PARD3: variants seen among roughly 807,000 people sequenced by gnomAD.
PARD3 encodes the protein partitioning defective 3 homolog.
A neutral mutation model predicts 155.4 loss-of-function variants in PARD3; 75 were observed. The ratio of observed to expected loss-of-function variants is 0.48; its 90% CI spans 0.40 to 0.58. PARD3 has a LOEUF of 0.58. Ranked by LOEUF, PARD3 falls within the 20% of genes least tolerant of loss-of-function variation. The pLI, the probability that PARD3 is intolerant of heterozygous loss-of-function variation, is 0.00. For missense variants in PARD3, 1,642 were observed against 1,721.7 expected (o/e 0.95, Z 0.82); for synonymous variants, 576 against 610.5 (o/e 0.94, Z 0.83).
At chr10:34,697,674 G>A (rs576394390) in intron 1 of PARD3, among the ~76,000 whole-genome samples, 7 of 151,942 alleles carry the variant, frequency 4.6e-5, no homozygotes, top group Non-Finnish European at 1.0e-4. Flanking sequence ...AAACCATTTT[G>A]CAAGTAACAG....
At chr10:34,669,960 T>G (rs1015000168) in intron 2 of PARD3, among the ~76,000 whole-genome samples, 2 of 152,226 alleles carry the variant, frequency 1.3e-5, no homozygotes, top group Non-Finnish European at 2.9e-5. Context: ...AAAAGATTTA[T>G]AGTGAAAAGG....
chr10:34,738,711 G>A (rs903495803), intron 1 of PARD3, among the ~76,000 whole-genome samples: 1 of 152,030 alleles, frequency 6.6e-6, no homozygotes, highest in Admixed American at 6.6e-5. Context: ...TCACGCCACC[G>A]CACTGCACTC....
intron 8 of PARD3, 92 bp downstream of exon 8, chr10:34,384,037 G>T (rs1342007484): frequency 7.8e-7 from 1 of 1,280,592 alleles, no homozygotes; most frequent in Non-Finnish European, 1.1e-6. Flanking sequence ...TATACAGACT[G>T]AGATCACAGA....
intron 21 of PARD3, among the ~76,000 whole-genome samples, chr10:34,271,410 C>A (rs890767454): frequency 5.3e-5 from 8 of 152,112 alleles, no homozygotes; most frequent in Admixed American, 5.2e-4. Flanking sequence ...ATTCAAAAAT[C>A]AATTACTACA....
intron 2 of PARD3, among the ~76,000 whole-genome samples, chr10:34,666,832 C>T (rs2093497179): frequency 8.2e-6 from 1 of 122,404 alleles, no homozygotes; most frequent in Non-Finnish European, 1.7e-5. Context: ...CACACACACA[C>T]ACACAAACAT....
At chr10:34,422,848 C>T (rs529522360) in intron 5 of PARD3, among the ~76,000 whole-genome samples, 2 of 152,084 alleles carry the variant, frequency 1.3e-5, no homozygotes, top group Admixed American at 6.6e-5. Flanking sequence ...TAAATTAGTA[C>T]GGCTATTATG....
At chr10:34,322,336 G>A (rs1018937735) in intron 19 of PARD3, among the ~76,000 whole-genome samples, 2 of 152,124 alleles carry the variant, frequency 1.3e-5, no homozygotes, top group Non-Finnish European at 2.9e-5. Flanking sequence ...AGCAGAAGGG[G>A]CAGAAAAATG....
chr10:34,616,930 C>CAAAA (rs1171920434), intron 2 of PARD3, among the ~76,000 whole-genome samples: 48 of 89,288 alleles, frequency 5.4e-4, no homozygotes, highest in African/African-American at 1.6e-3. Context: ...GCACCTGTCT[C>CAAAA]AAAAAAAAAA....
chr10:34,732,314 C>G lies in PARD3; in HGVS notation c.121-35895G>C, dbSNP rs4466776. Among the ~76,000 whole-genome samples, 7 of 152,148 alleles carry G rather than the reference C, an allele frequency of 4.6e-5. No individual in the cohort carries two copies. In the East Asian group the frequency reaches 1.3e-3, roughly 29 times the overall value. Reference sequence around the variant, plus strand: ...ATGGAGACACTCTAGGGTAGGAGGCCTGAAGTAAACTGCACTAATCCCTTT... The same window carrying G: ...ATGGAGACACTCTAGGGTAGGAGGCGTGAAGTAAACTGCACTAATCCCTTT... On this transcript the variant is annotated intron_variant, in intron 1 of 24. Coordinates refer to ENST00000374788, the MANE Select transcript of PARD3 (RefSeq NM_001184785.2).
intron 2 of PARD3, among the ~76,000 whole-genome samples, chr10:34,693,775 G>T (rs903195557): frequency 2.0e-5 from 3 of 152,216 alleles, no homozygotes; most frequent in Middle Eastern, 3.4e-3. Flanking sequence ...AGGCTGCAGT[G>T]AGCTATAATT....
intron 22 of PARD3, among the ~76,000 whole-genome samples, chr10:34,264,270 T>C (rs572707998): frequency 1.3e-5 from 2 of 152,344 alleles, no homozygotes; most frequent in East Asian, 1.9e-4. Flanking sequence ...GTTCTGAGCA[T>C]GTTTAAGGTA....
At chr10:34,149,285 C>T (rs1948670009) in intron 22 of PARD3, among the ~76,000 whole-genome samples, 1 of 152,038 alleles carries the variant, frequency 6.6e-6, no homozygotes, top group African/African-American at 2.4e-5. Context: ...AAACAGACTT[C>T]CCCCTTTCCT....
intron 2 of PARD3, among the ~76,000 whole-genome samples, chr10:34,665,569 G>A (rs1055773140): frequency 1.3e-5 from 2 of 151,584 alleles, no homozygotes; most frequent in African/African-American, 2.4e-5. Flanking sequence ...GGCCTGGCAC[G>A]GTGCTCACAC....
intron 2 of PARD3, among the ~76,000 whole-genome samples, chr10:34,665,155 T>A (rs188485442): frequency 6.6e-6 from 1 of 152,238 alleles, no homozygotes; most frequent in Admixed American, 6.5e-5. Context: ...TATTAATAAT[T>A]AAGATTTCCA....
At chr10:34,759,624 G>A (rs1837187495) in intron 1 of PARD3, among the ~76,000 whole-genome samples, 1 of 152,130 alleles carries the variant, frequency 6.6e-6, no homozygotes, top group African/African-American at 2.4e-5. Context: ...GAAGTGAGAG[G>A]GACAATTTGA....
chr10:34,382,906 G>A lies in PARD3; in HGVS notation c.1033C>T (p.Arg345Cys), dbSNP rs779684625. ...ATGATGGGTGTACGCATGGCTTGGC[G>A]AAACATATGTTGTGCTCTGGGTTTG... ...RRFEQAQHMF[R>C]QAMRTPIIWF... The change falls in exon 9 of 25, where the codon CGC becomes TGC. Residue 345 changes from arginine (R) to cysteine (C), a missense_variant. Physicochemically the swap from Arg to Cys is radical, Grantham distance 180 (BLOSUM62 -3). Around this residue, in one of 3 missense-constraint regions of PARD3, gnomAD observed 1,529 missense variants for 1,587.3 expected, o/e 0.96. Transcript: ENST00000374788. The A allele has an allele frequency of 1.2e-5, 19 of 1,613,818 alleles. No individual in the cohort carries two copies. The highest frequency in any genetic ancestry group is 1.5e-5 in the Non-Finnish European group (18 of 1,179,940).
intron 1 of PARD3, among the ~76,000 whole-genome samples, chr10:34,752,369 T>C (rs1487907574): frequency 2.0e-5 from 3 of 152,146 alleles, no homozygotes; most frequent in South Asian, 4.1e-4. Context: ...TGAGACAACT[T>C]GAAAATAACT....
At chr10:34,365,761 T>A (rs1839907010) in intron 12 of PARD3, among the ~76,000 whole-genome samples, 1 of 152,150 alleles carries the variant, frequency 6.6e-6, no homozygotes, top group South Asian at 2.1e-4. Context: ...CTAATTTTTA[T>A]GTTTTTAGTA....
intron 22 of PARD3, among the ~76,000 whole-genome samples, chr10:34,145,260 G>T: frequency 1.1e-5 from 1 of 89,006 alleles, no homozygotes. Context: ...TTCTCTTTCT[G>T]GTATTCCAAA....
Sources: gnomAD v4.1 joint callset for allele counts (sites outside exome capture counted in the v4.1 genomes callset) on GRCh38, gnomAD v4.1.1 for gene constraint, gnomAD v4.1.1 regional missense constraint, MANE v1.5 for transcripts, NCBI Gene and HGNC (gene_info 2026-07-23, HGNC 2026-07-21) for gene names.